The following PNOC variants were observed in gnomAD, a reference collection of about 807,000 sequenced individuals.
PNOC encodes the protein nociceptin.
PNOC carries 10 observed loss-of-function variants against 15.6 expected under a neutral mutation model. That is an observed-to-expected ratio of 0.64 (90% CI 0.40 to 1.09). The LOEUF (loss-of-function observed/expected upper bound fraction) is 1.09, where lower values mean the gene tolerates loss of function less well. Among genes scored for constraint, PNOC ranks in the 50% least tolerant of loss-of-function variants. The pLI is 0.01. For synonymous variants in PNOC, 98 were observed against 88.5 expected (o/e 1.11, Z -0.60); for missense variants, 220 against 223.9 (o/e 0.98, Z 0.11).
At chr8:28,339,724 G>C (rs1476125176) in intron 3 of PNOC, 22 of 333,184 alleles carry the variant, frequency 6.6e-5, no homozygotes, top group Non-Finnish European at 3.3e-5. Context: ...GATAATAGTA[G>C]TATGTTAAGA....
chr8:28,321,755 C>A (rs770594034), intron 1 of PNOC, among the ~76,000 whole-genome samples: 2 of 152,160 alleles, frequency 1.3e-5, no homozygotes, highest in African/African-American at 4.8e-5. Flanking sequence ...AGCTCTCACG[C>A]GTTCATTTCT....
intron 2 of PNOC, among the ~76,000 whole-genome samples, chr8:28,333,642 C>G (rs191939802): frequency 9.6e-4 from 146 of 152,324 alleles, no homozygotes; most frequent in Non-Finnish European, 1.5e-3. Flanking sequence ...ACTGTGGCAT[C>G]TGGTTTGATC....
intron 1 of PNOC, among the ~76,000 whole-genome samples, chr8:28,318,900 A>G (rs1801103463): frequency 6.6e-6 from 1 of 152,210 alleles, no homozygotes; most frequent in Non-Finnish European, 1.5e-5. Context: ...CAGTGAAGGG[A>G]GTGATTGCAG....
intron 1 of PNOC, 133 bp from the exon 2 acceptor site, chr8:28,329,002 C>T: frequency 1.2e-6 from 1 of 842,646 alleles, no homozygotes; most frequent in Non-Finnish European, 1.9e-6. Flanking sequence ...CAAAGTGAAT[C>T]ACAGGCCCCT....
intron 1 of PNOC, among the ~76,000 whole-genome samples, chr8:28,327,578 T>G (rs1402657726): frequency 1.3e-5 from 2 of 151,540 alleles, no homozygotes; most frequent in African/African-American, 4.8e-5. Flanking sequence ...TTCTTTTTTT[T>G]TTTTTTGAGA....
At chr8:28,337,013 T>A (rs1801422369) in intron 2 of PNOC, among the ~76,000 whole-genome samples, 2 of 151,928 alleles carry the variant, frequency 1.3e-5, no homozygotes, top group Non-Finnish European at 2.9e-5. Flanking sequence ...GTAACAAACA[T>A]CTAAAGTGAC....
intron 3 of PNOC, among the ~76,000 whole-genome samples, chr8:28,342,103 G>C (rs1004483490): frequency 1.3e-5 from 2 of 152,158 alleles, no homozygotes; most frequent in Non-Finnish European, 2.9e-5. Context: ...CCAGTGCTTT[G>C]GGATGCCGAG....
intron 2 of PNOC, among the ~76,000 whole-genome samples, 195 bp downstream of exon 2, chr8:28,329,478 C>A (rs962500567): frequency 1.3e-5 from 2 of 152,218 alleles, no homozygotes; most frequent in African/African-American, 4.8e-5. Context: ...GATCTTTCCA[C>A]CTTACCACCT....
Position 28,339,193 on chromosome 8 carries a change from C to T in PNOC, c.280C>T (p.His94Tyr). 6.2e-7 allele frequency: 1 copy of T among 1,613,462 alleles called. No homozygotes were observed. Residue 94 changes from histidine (H) to tyrosine (Y), a missense_variant, in exon 3 of 4, where the codon CAT becomes TAT. Physicochemically the swap from His to Tyr is moderately conservative, Grantham distance 83. Coordinates refer to ENST00000301908, the MANE Select transcript of PNOC (RefSeq NM_006228.5). ...LYQPRASEMQ[H>Y]LRRMPRVRSL... ...CCAGCCGAGAGCTTCGGAGATGCAGCATCTGCGGCGAATGCCCCGAGTCCG... is the reference window on the plus strand; with the variant it reads ...CCAGCCGAGAGCTTCGGAGATGCAGTATCTGCGGCGAATGCCCCGAGTCCG...
In PNOC at chr8:28,339,211, C is replaced by G. The variant is rs372130597; in HGVS notation, c.298C>G (p.Arg100Gly). Residue 100 changes from arginine to glycine, a missense_variant, in exon 3 of 4, where the codon CGA becomes GGA. Physicochemically the swap from Arg to Gly is moderately radical, Grantham distance 125. Coordinates refer to ENST00000301908, the MANE Select transcript of PNOC (RefSeq NM_006228.5). Reference protein sequence around the residue: ...SEMQHLRRMPRVRSLFQEQEE... With the variant: ...SEMQHLRRMPGVRSLFQEQEE... ...GATGCAGCATCTGCGGCGAATGCCC[C>G]GAGTCCGGAGCTTGTTCCAGGAGCA... 2.5e-6 allele frequency: 4 copies of G among 1,612,844 alleles called. No individual in the cohort carries two copies. The African/African-American group carries it at 4.0e-5, about 16-fold the overall frequency.
intron 3 of PNOC, among the ~76,000 whole-genome samples, chr8:28,342,451 C>T (rs1291565853): frequency 1.3e-5 from 2 of 151,524 alleles, no homozygotes; most frequent in African/African-American, 4.9e-5. Context: ...CTAGACAGAA[C>T]TTGTCACAGC....
chr8:28,335,870 C>T (rs1028561194), intron 2 of PNOC, among the ~76,000 whole-genome samples: 4 of 151,792 alleles, frequency 2.6e-5, no homozygotes, highest in African/African-American at 9.7e-5. Flanking sequence ...TTGGGACTCA[C>T]ATCCAGGTGT....
chr8:28,323,515 C>A (rs551223441), intron 1 of PNOC, among the ~76,000 whole-genome samples: 1 of 152,202 alleles, frequency 6.6e-6, no homozygotes, highest in Non-Finnish European at 1.5e-5. Context: ...ACAGTCCCAC[C>A]GTTACAAAGT....
At chr8:28,325,140 G>A (rs1801204496) in intron 1 of PNOC, among the ~76,000 whole-genome samples, 2 of 152,194 alleles carry the variant, frequency 1.3e-5, no homozygotes, top group East Asian at 1.9e-4. Context: ...ACTCTGCAGC[G>A]TGGGTCTGTT....
At chr8:28,324,972 C>T (rs1213131060) in intron 1 of PNOC, among the ~76,000 whole-genome samples, 4 of 152,146 alleles carry the variant, frequency 2.6e-5, no homozygotes, top group African/African-American at 9.7e-5. Context: ...TGCTTACAAA[C>T]GTTAACCCAC....
In PNOC at chr8:28,329,297, G is replaced by T; in HGVS notation, c.126+14G>T. 6.2e-7 allele frequency: 1 copy of T among 1,611,892 alleles called. No homozygotes were observed. Among genetic ancestry groups the T allele is most frequent in the Non-Finnish European group, 8.5e-7 (1 of 1,179,986 alleles). On this transcript the variant is annotated intron_variant, in intron 2 of 3. Transcript: ENST00000301908. ...TTCGACCTGGAGGTAGGTCTCCAAG[G>T]CAAGGCAGAGAGGCTGTCCTCCTCC...
In PNOC at chr8:28,337,581, C is replaced by CTTTTTTTTTT. The variant is rs10685321; in HGVS notation, c.127-1449_127-1440dup. 1.7e-5 allele frequency among the ~76,000 whole-genome samples: 2 copies of CTTTTTTTTTT among 117,154 alleles called. 1 individual carries two copies. Among genetic ancestry groups the CTTTTTTTTTT allele is most frequent in the Non-Finnish European group, 3.4e-5 (2 of 59,436 alleles). 76.9% of individuals were successfully genotyped at this position (117,154 alleles called of 152,430 possible). A position where few individuals can be genotyped will look rare whatever the true frequency, so the allele number is the denominator to read the frequency against. On this transcript the variant is annotated intron_variant, in intron 2 of 3. Coordinates refer to ENST00000301908, the MANE Select transcript of PNOC (RefSeq NM_006228.5). ...TCCCAAAGTTCTGGGATTACGTTTC[C>CTTTTTTTTTT]TTTTTTTTTTTTTTTTTTTGAGACG...
At chr8:28,341,059 G>C (rs1051355017) in intron 3 of PNOC, among the ~76,000 whole-genome samples, 1 of 152,222 alleles carries the variant, frequency 6.6e-6, no homozygotes, top group African/African-American at 2.4e-5. Flanking sequence ...CCCTGAGTCC[G>C]AGCATAAGAG....
chr8:28,324,424 G>A (rs1801192013), intron 1 of PNOC, among the ~76,000 whole-genome samples: 2 of 152,172 alleles, frequency 1.3e-5, no homozygotes, highest in African/African-American at 4.8e-5. Flanking sequence ...CTCATATTAG[G>A]AAGGAAAGGA....
Sources: allele counts gnomAD v4.1 joint callset (sites outside exome capture counted in the v4.1 genomes callset), GRCh38; gene constraint gnomAD v4.1.1; transcripts MANE v1.5; gene names NCBI Gene and HGNC (gene_info 2026-07-23, HGNC 2026-07-21).